Variants in HS6ST3 observed in about 807,000 individuals in gnomAD.
HS6ST3 encodes heparan-sulfate 6-O-sulfotransferase 3.
In HS6ST3, 12 loss-of-function variants were observed where a neutral mutation model predicts 36.7. The ratio of observed to expected loss-of-function variants is 0.33; its 90% CI spans 0.21 to 0.53. The LOEUF is 0.53. HS6ST3 is among the 20% of genes least tolerant of loss of function. The probability of loss-of-function intolerance (pLI) is 0.95; values close to 1 mark genes in which losing one functional copy is unlikely to be tolerated. For missense variants in HS6ST3, 584 were observed against 640.9 expected (o/e 0.91, Z 0.96); for synonymous variants, 240 against 257.5 (o/e 0.93, Z 0.65).
At chr13:96,265,926 C>T (rs893644897) in intron 1 of HS6ST3, among the ~76,000 whole-genome samples, 6 of 152,136 alleles carry the variant, frequency 3.9e-5, no homozygotes, top group East Asian at 3.9e-4. Flanking sequence ...TGCTTCACTT[C>T]GTTGTGGCTT....
chr13:96,470,273 A>G (rs1402315809), intron 1 of HS6ST3, among the ~76,000 whole-genome samples: 2 of 152,200 alleles, frequency 1.3e-5, no homozygotes, highest in South Asian at 2.1e-4. Context: ...AGTTAGGAAC[A>G]GTAATTAGTT....
intron 1 of HS6ST3, among the ~76,000 whole-genome samples, chr13:96,781,987 T>G (rs1877538811): frequency 6.6e-6 from 1 of 152,228 alleles, no homozygotes; most frequent in Non-Finnish European, 1.5e-5. Context: ...AATTATATCA[T>G]GCCTGACATC....
intron 1 of HS6ST3, among the ~76,000 whole-genome samples, chr13:96,358,661 A>C (rs1298601700): frequency 6.6e-6 from 1 of 152,156 alleles, no homozygotes; most frequent in African/African-American, 2.4e-5. Context: ...AGAAAACTAT[A>C]AATGATATTT....
rs116615074 is a variant in HS6ST3, at chr13:96,100,771, G to C, written c.707+9202G>C. ...GCATTCTGTGGCCTTCAGCAAGTCA[G>C]AGAAAGATGGAAAATGGATTTGGGG... On this transcript the variant is annotated intron_variant, in intron 1 of 1. Transcript: ENST00000376705. 9.3e-3 allele frequency among the ~76,000 whole-genome samples: 1,409 copies of C among 152,298 alleles called. 28 individuals are homozygous for C. The highest frequency in any genetic ancestry group is 0.033 in the African/African-American group (1,352 of 41,550).
chr13:96,668,459 A>G (rs1294403220), intron 1 of HS6ST3, among the ~76,000 whole-genome samples: 1 of 152,116 alleles, frequency 6.6e-6, no homozygotes, highest in Non-Finnish European at 1.5e-5. Flanking sequence ...TCCTGACATA[A>G]TAAGACCTGC....
intron 1 of HS6ST3, among the ~76,000 whole-genome samples, chr13:96,779,391 T>G (rs1017759903): frequency 2.6e-4 from 40 of 151,968 alleles, no homozygotes; most frequent in African/African-American, 8.0e-4. Context: ...CCATAGGAAT[T>G]TGTCCTATGG....
intron 1 of HS6ST3, among the ~76,000 whole-genome samples, chr13:96,393,076 A>G (rs932877169): frequency 6.6e-6 from 1 of 152,170 alleles, no homozygotes; most frequent in African/African-American, 2.4e-5. Context: ...TAGTTTTAAA[A>G]GGGGAAGCCC....
intron 1 of HS6ST3, among the ~76,000 whole-genome samples, chr13:96,499,172 G>A (rs2055991856): frequency 6.6e-6 from 1 of 151,844 alleles, no homozygotes; most frequent in African/African-American, 2.4e-5. Flanking sequence ...ATTACAAGTG[G>A]CTGCTACCAT....
In HS6ST3 at chr13:96,164,460, C is replaced by T. The variant is rs1316377376; in HGVS notation, c.707+72891C>T. Among the ~76,000 whole-genome samples the T allele has an allele frequency of 1.4e-4, 21 of 151,344 alleles. 1 individual carries two copies. The highest frequency in any genetic ancestry group is 1.2e-3 in the Admixed American group (18 of 15,194). ...TAGGCCTAGCTACTCGGGAGGCTGA[C>T]GCAGGAGTATTGCTTGAGCCCAGGA... On this transcript the variant is annotated intron_variant, in intron 1 of 1. Coordinates refer to ENST00000376705, the MANE Select transcript of HS6ST3 (RefSeq NM_153456.4).
chr13:96,612,974 C>T (rs2056461604), intron 1 of HS6ST3, among the ~76,000 whole-genome samples: 1 of 152,166 alleles, frequency 6.6e-6, no homozygotes, highest in Non-Finnish European at 1.5e-5. Context: ...AAGTCTATCC[C>T]TCTTCCTGTA....
intron 1 of HS6ST3, among the ~76,000 whole-genome samples, chr13:96,209,126 TAC>T (rs1347549190): frequency 1.3e-5 from 2 of 152,212 alleles, no homozygotes; most frequent in Admixed American, 6.5e-5. Context: ...TAGTAGGAGA[TAC>T]AGAGTGTAGA....
intron 1 of HS6ST3, among the ~76,000 whole-genome samples, chr13:96,272,772 G>T (rs1320045824): frequency 6.6e-6 from 1 of 151,920 alleles, no homozygotes; most frequent in African/African-American, 2.4e-5. Flanking sequence ...ATATTCTTTA[G>T]TAGGTCTTAC....
intron 1 of HS6ST3, among the ~76,000 whole-genome samples, chr13:96,722,153 C>T (rs1055192826): frequency 6.6e-6 from 1 of 152,080 alleles, no homozygotes; most frequent in African/African-American, 2.4e-5. Context: ...GTAATTGCAG[C>T]TACTTGGCAA....
chr13:96,367,154 C>G (rs1224633414), intron 1 of HS6ST3, among the ~76,000 whole-genome samples: 2 of 152,110 alleles, frequency 1.3e-5, no homozygotes, highest in East Asian at 1.9e-4. Context: ...GCATTTTTCT[C>G]TTGTATAACG....
At chr13:96,624,157 G>T (rs957022932) in intron 1 of HS6ST3, among the ~76,000 whole-genome samples, 4 of 152,108 alleles carry the variant, frequency 2.6e-5, no homozygotes, top group African/African-American at 9.7e-5. Flanking sequence ...ATGTACAGGT[G>T]TGTGTATATA....
intron 1 of HS6ST3, among the ~76,000 whole-genome samples, chr13:96,273,848 C>A (rs1252811787): frequency 2.0e-5 from 3 of 151,818 alleles, no homozygotes; most frequent in African/African-American, 4.8e-5. Context: ...ATTTTGGGAA[C>A]CAAACCCTGC....
At chr13:96,286,000 C>T (rs1264570882) in intron 1 of HS6ST3, among the ~76,000 whole-genome samples, 1 of 150,282 alleles carries the variant, frequency 6.7e-6, no homozygotes, top group East Asian at 2.0e-4. Flanking sequence ...CTTTCCCTCC[C>T]TCCCTCCCTT....
chr13:96,642,016 T>A lies in HS6ST3; in HGVS notation c.708-190474T>A, dbSNP rs139542534. Among the ~76,000 whole-genome samples the A allele has an allele frequency of 3.9e-5, 6 of 152,024 alleles. No individual in the cohort carries two copies. The East Asian group carries it at 1.2e-3, about 29-fold the overall frequency. On this transcript the variant is annotated intron_variant, in intron 1 of 1. Coordinates refer to ENST00000376705, the MANE Select transcript of HS6ST3 (RefSeq NM_153456.4). ...TATGTGGATTTGAATTACTGTTTAC[T>A]GTTCTTTTACTTCAACCCAAAGGAC...
At chr13:96,826,043 G>C (rs566131802) in intron 1 of HS6ST3, among the ~76,000 whole-genome samples, 1 of 152,246 alleles carries the variant, frequency 6.6e-6, no homozygotes, top group South Asian at 2.1e-4. Context: ...AATTAAAGAA[G>C]AGAACAAATT....
Sources: allele counts gnomAD v4.1 joint callset (sites outside exome capture counted in the v4.1 genomes callset), GRCh38; gene constraint gnomAD v4.1.1; transcripts MANE v1.5; gene names NCBI Gene and HGNC (gene_info 2026-07-23, HGNC 2026-07-21).